TXNDC5: variants seen among roughly 807,000 people sequenced by gnomAD.
TXNDC5 encodes thioredoxin domain containing 5, also known as thioredoxin domain-containing protein 5.
TXNDC5 carries 44 observed loss-of-function variants against 52.6 expected under a neutral mutation model. That is an observed-to-expected ratio of 0.84 (90% CI 0.66 to 1.08). The LOEUF (loss-of-function observed/expected upper bound fraction) is 1.08, where lower values mean the gene tolerates loss of function less well. TXNDC5 is among the 50% of genes least tolerant of loss of function. TXNDC5 has a pLI of 0.00. For synonymous variants in TXNDC5, 241 were observed against 234.4 expected, an observed-to-expected ratio of 1.03 and a Z score of -0.26; for missense variants, 600 against 565.5, an observed-to-expected ratio of 1.06 and a Z score of -0.62.
Position 7,885,997 on chromosome 6 carries a change from G to A in TXNDC5, c.1010C>T (p.Ala337Val), listed in dbSNP as rs1759963056. Residue 337 changes from alanine (A) to valine (V), a missense_variant, in exon 8 of 10, where the codon GCA becomes GTA. Transcript: ENST00000379757. ...LTENNFDDTI[A>V]EGITFIKFYA... The stretch of plus-strand genomic sequence containing the variant: ...AAACTTGATGAAGGTTATTCCTTCT[G>A]CAATGGTGTCATCGAAGTTATTTTC... The A allele has an allele frequency of 6.2e-7, 1 of 1,614,158 alleles. No homozygotes were observed. Among genetic ancestry groups the A allele is most frequent in the African/African-American group, 1.3e-5 (1 of 75,038 alleles).
chr6:7,903,774 T>C (rs57888658), intron 2 of TXNDC5, among the ~76,000 whole-genome samples: 2 of 152,156 alleles, frequency 1.3e-5, no homozygotes, highest in Non-Finnish European at 2.9e-5. Context: ...AGAAACAGCT[T>C]CTTCTCTTTT....
chr6:7,907,726 T>C (rs1329806341), intron 1 of TXNDC5, among the ~76,000 whole-genome samples: 2 of 152,176 alleles, frequency 1.3e-5, no homozygotes, highest in East Asian at 1.9e-4. Context: ...CTCTCCTGCA[T>C]AGACCCCTCC....
At chr6:7,884,931 C>G (rs1404655121) in intron 8 of TXNDC5, among the ~76,000 whole-genome samples, 2 of 152,172 alleles carry the variant, frequency 1.3e-5, no homozygotes, top group African/African-American at 4.8e-5. Flanking sequence ...CTCCTTGGTA[C>G]TTCAGCGATG....
intron 7 of TXNDC5, among the ~76,000 whole-genome samples, chr6:7,888,249 C>T (rs1482520745): frequency 6.6e-6 from 1 of 152,162 alleles, no homozygotes; most frequent in Non-Finnish European, 1.5e-5. Context: ...CTGGCCTGAT[C>T]GCTGCGGATG....
intron 4 of TXNDC5, 145 bp from the exon 5 acceptor site, chr6:7,891,881 G>T: frequency 1.7e-6 from 1 of 575,098 alleles, no homozygotes; most frequent in Non-Finnish European, 3.1e-6. Flanking sequence ...GGTACAAAGG[G>T]ACTCCATCAA....
At chr6:7,892,006 G>A (rs564956706) in intron 4 of TXNDC5, among the ~76,000 whole-genome samples, 1 of 152,312 alleles carries the variant, frequency 6.6e-6, no homozygotes, top group South Asian at 2.1e-4. Context: ...AAAGAATCAG[G>A]CATTTCTCCC....
At chr6:7,894,893 A>C in intron 4 of TXNDC5, 1 of 985,360 alleles carries the variant, frequency 1.0e-6, no homozygotes. Context: ...TTAGCATTAG[A>C]CTCGGCGTTT....
At chr6:7,886,100 A>T (rs1236472444) in intron 7 of TXNDC5, 57 bp from the exon 8 acceptor site, 1 of 1,475,160 alleles carries the variant, frequency 6.8e-7, no homozygotes, top group African/African-American at 1.4e-5. Flanking sequence ...GAGCAGGGCC[A>T]TGCTTTGGGA....
At chr6:7,889,842 G>A (rs886987186) in intron 5 of TXNDC5, among the ~76,000 whole-genome samples, 1 of 152,172 alleles carries the variant, frequency 6.6e-6, no homozygotes, top group Non-Finnish European at 1.5e-5. Flanking sequence ...CGGTTTTTAG[G>A]AAGCAACATT....
At position 7,883,215 on chromosome 6, in the gene TXNDC5, C is replaced by CACTG; in HGVS notation, c.1224_1227dup (p.Glu410GlnfsTer2). 3.1e-6 allele frequency: 5 copies of CACTG among 1,614,140 alleles called. No individual in the cohort carries two copies. The highest frequency in any genetic ancestry group is 4.2e-6 in the Non-Finnish European group (5 of 1,180,030). On this transcript the variant is annotated frameshift_variant, in exon 10 of 10. Transcript: ENST00000379757. LOFTEE classifies it high-confidence loss of function. ...TCAAGGTCTCTGCCTCCACTGTGCT[C>CACTG]ACTGACTTTCTTCCCTCCTCGGAAA...
chr6:7,887,347 C>G (rs1178467598), intron 7 of TXNDC5, among the ~76,000 whole-genome samples: 1 of 152,198 alleles, frequency 6.6e-6, no homozygotes, highest in Non-Finnish European at 1.5e-5. Flanking sequence ...GGAACTGCCA[C>G]TGGACACTGC....
chr6:7,899,554 AG>A, intron 3 of TXNDC5, 21 bp downstream of exon 3: 1 of 1,408,736 alleles, frequency 7.1e-7, no homozygotes, highest in Non-Finnish European at 9.6e-7. Flanking sequence ...GGAGGGAGGG[AG>A]GGAAGGAGGT....
chr6:7,892,185 A>G (rs1297442105), intron 4 of TXNDC5, among the ~76,000 whole-genome samples: 1 of 152,218 alleles, frequency 6.6e-6, no homozygotes, highest in Non-Finnish European at 1.5e-5. Flanking sequence ...CCAAAGAGAG[A>G]CAACTGGACG....
At chr6:7,889,066 G>A in intron 6 of TXNDC5, 2 of 566,224 alleles carry the variant, frequency 3.5e-6, no homozygotes, top group Admixed American at 7.3e-5. Flanking sequence ...CCTCCACGGG[G>A]TTACACATCA....
At position 7,910,496 on chromosome 6, in the gene TXNDC5, C is replaced by G. The variant is rs1490579324; in HGVS notation, c.263+18G>C. On this transcript the variant is annotated intron_variant, in intron 1 of 9. Transcript: ENST00000379757. ...AAGCGCCAAGTGCGGGGCAGGGCGCCGGCCTGCGCGGCGTTACCAGGGCGC... is the reference window on the plus strand; with the variant it reads ...AAGCGCCAAGTGCGGGGCAGGGCGCGGGCCTGCGCGGCGTTACCAGGGCGC... The G allele has an allele frequency of 2.1e-6, 3 of 1,424,322 alleles. No homozygotes were observed. Among genetic ancestry groups the G allele is most frequent in the African/African-American group, 3.0e-5 (2 of 65,844 alleles). The allele number at this position is 1,424,322 out of a possible 1,614,324, so 88.2% of individuals were successfully genotyped here. A position where few individuals can be genotyped will look rare whatever the true frequency, so the allele number is the denominator to read the frequency against.
At chr6:7,887,769 G>A (rs767692762) in intron 7 of TXNDC5, among the ~76,000 whole-genome samples, 2 of 151,960 alleles carry the variant, frequency 1.3e-5, no homozygotes, top group Non-Finnish European at 2.9e-5. Context: ...TCACTCTCAG[G>A]GATCCTACAC....
rs1759822756 is a variant in TXNDC5 at position 7,883,036 on chromosome 6, T to C, written c.*108A>G. ...AGAAGATACCTCACGCTTAGTATGTTCTGCTTTCTGAACAGCCACCACTGG... is the reference window on the plus strand; with the variant it reads ...AGAAGATACCTCACGCTTAGTATGTCCTGCTTTCTGAACAGCCACCACTGG... On this transcript the variant is annotated 3_prime_UTR_variant, in exon 10 of 10. Coordinates refer to ENST00000379757, the MANE Select transcript of TXNDC5 (RefSeq NM_030810.5). The C allele has an allele frequency of 6.7e-7, 1 of 1,496,582 alleles. No individual in the cohort carries two copies. The highest frequency in any genetic ancestry group is 1.2e-5 in the South Asian group (1 of 84,818). The allele number at this position is 1,496,582 out of a possible 1,614,324, so 92.7% of individuals were successfully genotyped here.
chr6:7,895,954 C>A (rs1760355626), intron 3 of TXNDC5, among the ~76,000 whole-genome samples: 1 of 152,146 alleles, frequency 6.6e-6, no homozygotes, highest in African/African-American at 2.4e-5. Context: ...GAACATGCCA[C>A]TGCACTCCTG....
intron 1 of TXNDC5, among the ~76,000 whole-genome samples, chr6:7,907,166 T>C (rs987646131): frequency 3.6e-5 from 4 of 112,148 alleles, no homozygotes; most frequent in East Asian, 2.6e-4. Context: ...TTTTTTTCCC[T>C]TTTTTTTTTT....
Sources: allele counts gnomAD v4.1 joint callset (sites outside exome capture counted in the v4.1 genomes callset), GRCh38; gene constraint gnomAD v4.1.1; transcripts MANE v1.5; gene names NCBI Gene and HGNC (gene_info 2026-07-23, HGNC 2026-07-21).